Variants in TPSG1 observed in about 807,000 individuals in gnomAD.
TPSG1 encodes tryptase gamma.
TPSG1 carries 43 observed loss-of-function variants against 23.8 expected under a neutral mutation model. That is an observed-to-expected ratio of 1.81 (90% confidence interval 1.42 to 2.33). TPSG1 has a LOEUF of 2.33. Ranked by LOEUF, TPSG1 falls within the 30% of genes most tolerant of loss-of-function variation. The probability of loss-of-function intolerance (pLI) is 0.00; values close to 1 mark genes in which losing one functional copy is unlikely to be tolerated. For missense variants in TPSG1, 623 were observed against 438.6 expected (o/e 1.42, Z -3.75); for synonymous variants, 302 against 201.3 (o/e 1.50, Z -4.23).
chr16:1,223,316 G>A (rs2029932155), intron 3 of TPSG1, 107 bp downstream of exon 3: 2 of 1,349,222 alleles, frequency 1.5e-6, no homozygotes, highest in South Asian at 1.5e-5. Flanking sequence ...TAGGCTCAGA[G>A]TTCCCAAGCC....
At position 1,224,613 on chromosome 16, in the gene TPSG1, G is replaced by A; in HGVS notation, c.62C>T (p.Thr21Ile). 6.2e-7 allele frequency: 1 copy of A among 1,613,890 alleles called. No individual in the cohort carries two copies. The highest frequency in any genetic ancestry group is 2.2e-5 in the East Asian group (1 of 44,880). ...TGTCAGAGACGTACCTGGCTGCAAAGTCCTGAGGGACACACCTGTGGGAAA... is the reference window on the plus strand; with the variant it reads ...TGTCAGAGACGTACCTGGCTGCAAAATCCTGAGGGACACACCTGTGGGAAA... The part of the protein sequence containing the change: ...LLAVPGVSLR[T>I]LQPGCGRPQV... Residue 21 changes from threonine to isoleucine, a missense_variant, in exon 2 of 6, where the codon ACT becomes ATT. Transcript: ENST00000234798.
intron 2 of TPSG1, chr16:1,223,929 G>T (rs1883562): frequency 5.8e-6 from 2 of 345,434 alleles, no homozygotes; most frequent in Non-Finnish European, 1.0e-5. Flanking sequence ...CCGGGGTGCT[G>T]GGGGTGGCTG....
intron 2 of TPSG1, chr16:1,224,186 G>A (rs2030021326): frequency 1.4e-5 from 3 of 209,546 alleles, no homozygotes; most frequent in Admixed American, 5.5e-5. Flanking sequence ...TGGTGATGGA[G>A]TGTGGCCACT....
chr16:1,224,234 G>A (rs572847420), intron 2 of TPSG1: 31 of 253,478 alleles, frequency 1.2e-4, no homozygotes, highest in African/African-American at 5.7e-4. Context: ...TAGACAGACA[G>A]AGATGTTTAT....
intron 4 of TPSG1, 130 bp from the exon 5 acceptor site, chr16:1,222,471 A>G (rs1596485698): frequency 1.6e-6 from 2 of 1,246,824 alleles, no homozygotes; most frequent in East Asian, 2.3e-5. Context: ...TTGTGATCTG[A>G]CGTTTGGCTG....
intron 4 of TPSG1, 142 bp from the exon 5 acceptor site, chr16:1,222,483 T>C (rs1970544688): frequency 2.4e-6 from 3 of 1,257,836 alleles, no homozygotes; most frequent in Non-Finnish European, 3.3e-6. Flanking sequence ...GTTTGGCTGC[T>C]GCTTTGGATC....
At chr16:1,223,128 G>A (rs1484332133) in intron 3 of TPSG1, among the ~76,000 whole-genome samples, 2 of 152,244 alleles carry the variant, frequency 1.3e-5, no homozygotes, top group Non-Finnish European at 2.9e-5. Flanking sequence ...GGAAAAGCCA[G>A]CAGCATGCCC....
intron 4 of TPSG1, 43 bp from the exon 5 acceptor site, chr16:1,222,384 G>C (rs1260643554): frequency 6.6e-7 from 1 of 1,523,644 alleles, no homozygotes; most frequent in African/African-American, 1.4e-5. Context: ...TGGGGCACCA[G>C]GCCCTGCACT....
At chr16:1,223,881 T>C in intron 2 of TPSG1, 1 of 464,728 alleles carries the variant, frequency 2.2e-6, no homozygotes, top group Non-Finnish European at 3.8e-6. Flanking sequence ...CCTAGGCGGC[T>C]AGAAAGGGGC....
intron 2 of TPSG1, among the ~76,000 whole-genome samples, chr16:1,224,297 C>G (rs1211426863): frequency 6.6e-6 from 1 of 152,090 alleles, no homozygotes; most frequent in East Asian, 1.9e-4. Flanking sequence ...CGGCAAAGCC[C>G]CCAGCTGGTT....
At chr16:1,223,278 C>T (rs1373129809) in intron 3 of TPSG1, 145 bp downstream of exon 3, 2 of 1,135,744 alleles carry the variant, frequency 1.8e-6, no homozygotes, top group African/African-American at 1.6e-5. Context: ...GGTGGGCAAC[C>T]AGCTCCTCCC....
intron 3 of TPSG1, among the ~76,000 whole-genome samples, 185 bp from the exon 4 acceptor site, chr16:1,223,102 G>A (rs898309225): frequency 2.6e-5 from 4 of 152,222 alleles, no homozygotes; most frequent in Non-Finnish European, 4.4e-5. Flanking sequence ...GCACCTTGGG[G>A]TTCCTGCCAG....
Position 1,223,940 on chromosome 16 carries a change from C to T in TPSG1, c.74-346G>A, listed in dbSNP as rs539780262. 536 of 323,372 alleles carry T rather than the reference C, an allele frequency of 1.7e-3. 1 individual carries two copies. The highest frequency in any genetic ancestry group is 1.2e-3 in the Non-Finnish European group (211 of 179,290). 20.0% of individuals were successfully genotyped at this position (323,372 alleles called of 1,614,324 possible). Reference sequence around the variant, plus strand: ...AGGCCCGGGGTGCTGGGGGTGGCTGCCTAGTGGGCCCCGGTTTTCCTTCAG... The same window carrying T: ...AGGCCCGGGGTGCTGGGGGTGGCTGTCTAGTGGGCCCCGGTTTTCCTTCAG... On this transcript the variant is annotated intron_variant, in intron 2 of 5. Transcript: ENST00000234798.
rs756294797 is a variant in TPSG1, at chr16:1,222,260, C to T, written c.593G>A (p.Gly198Asp). 2 of 1,612,060 alleles carry T rather than the reference C, an allele frequency of 1.2e-6. No individual in the cohort carries two copies. Among genetic ancestry groups the T allele is most frequent in the Admixed American group, 3.3e-5 (2 of 59,986 alleles). ...DTETCRRDYP[G>D]PGGSILQPDM... The stretch of plus-strand genomic sequence containing the variant: ...GGGCTGAAGGATGCTGCCCCCGGGG[C>T]CGGGATAGTCCCGGCGGCAGGTCTC... The change falls in exon 5 of 6, where the codon GGC (glycine) becomes GAC (aspartate). Residue 198 changes from glycine to aspartate, a missense_variant. Coordinates refer to ENST00000234798, the MANE Select transcript of TPSG1 (RefSeq NM_012467.4).
chr16:1,224,751 G>T (rs1327028040), intron 1 of TPSG1, 123 bp from the exon 2 acceptor site: 1 of 1,248,336 alleles, frequency 8.0e-7, no homozygotes, highest in Middle Eastern at 2.5e-4. Flanking sequence ...GAGCAGAGGG[G>T]CCCGGCCTGG....
intron 3 of TPSG1, among the ~76,000 whole-genome samples, 197 bp downstream of exon 3, chr16:1,223,225 TC>T (rs1380860434): frequency 6.6e-6 from 1 of 152,188 alleles, no homozygotes; most frequent in Non-Finnish European, 1.5e-5. Context: ...GAGGGAGCTG[TC>T]CATCCCTAGA....
Position 1,222,326 on chromosome 16 carries a change from G to A in TPSG1, c.527C>T (p.Pro176Leu), listed in dbSNP as rs148278521. 4.3e-5 allele frequency: 69 copies of A among 1,600,426 alleles called. No individual in the cohort carries two copies. The highest frequency in any genetic ancestry group is 3.4e-4 in the South Asian group (31 of 90,312). The change falls in exon 5 of 6, where the codon CCG becomes CTG. Residue 176 changes from proline (P) to leucine (L), a missense_variant. Coordinates refer to ENST00000234798, the MANE Select transcript of TPSG1 (RefSeq NM_012467.4). ...YTREGEPLPP[P>L]YSLREVKVSV... ...GACTTTCACCTCCCGCAGGCTGTACGGGGGTGGCAGAGGCTCTGGGGTGGG... is the reference window on the plus strand; with the variant it reads ...GACTTTCACCTCCCGCAGGCTGTACAGGGGTGGCAGAGGCTCTGGGGTGGG...
At chr16:1,223,280 G>C in intron 3 of TPSG1, 143 bp downstream of exon 3, 2 of 1,145,578 alleles carry the variant, frequency 1.7e-6, no homozygotes, top group Non-Finnish European at 1.2e-6. Flanking sequence ...TGGGCAACCA[G>C]CTCCTCCCTT....
Position 1,222,742 on chromosome 16 carries a change from TC to T in TPSG1, c.420del (p.Ile141SerfsTer21), listed in dbSNP as rs1970556852. On this transcript the variant is annotated frameshift_variant, in exon 4 of 6. Coordinates refer to ENST00000234798, the MANE Select transcript of TPSG1 (RefSeq NM_012467.4). LOFTEE classifies it high-confidence loss of function. Reference sequence around the variant, plus strand: ...GCCTCCGGGAGGCAGACGGGCAGGATCCGGCTGGAGAGGGTCACGGGGACAC... The same window carrying T: ...GCCTCCGGGAGGCAGACGGGCAGGATCGGCTGGAGAGGGTCACGGGGACAC... ...ELSVPVTLSS[R>X]ILPVCLPEAS... 6.2e-7 allele frequency: 1 copy of T among 1,611,570 alleles called. No homozygotes were observed. The highest frequency in any genetic ancestry group is 8.5e-7 in the Non-Finnish European group (1 of 1,179,048).
Sources: gnomAD v4.1 joint callset for allele counts (sites outside exome capture counted in the v4.1 genomes callset) on GRCh38, gnomAD v4.1.1 for gene constraint, MANE v1.5 for transcripts, NCBI Gene and HGNC (gene_info 2026-07-23, HGNC 2026-07-21) for gene names.